Variants in NRG3 observed in about 807,000 individuals in gnomAD.
NRG3 encodes pro-neuregulin-3, membrane-bound isoform.
In NRG3, 31 loss-of-function variants were observed where a neutral mutation model predicts 66.9. That is an observed-to-expected ratio of 0.46 (90% CI 0.35 to 0.63). The LOEUF (loss-of-function observed/expected upper bound fraction) is 0.63, where lower values mean the gene tolerates loss of function less well. Among genes scored for constraint, NRG3 ranks in the 20% least tolerant of loss-of-function variants. The pLI, the probability that NRG3 is intolerant of heterozygous loss-of-function variation, is 0.00. For synonymous variants in NRG3, 393 were observed against 359.4 expected (o/e 1.09, Z -1.06); for missense variants, 910 against 878.9 (o/e 1.04, Z -0.45).
intron 2 of NRG3, among the ~76,000 whole-genome samples, chr10:82,641,481 C>CA (rs1590983843): frequency 1.3e-5 from 2 of 151,974 alleles, no homozygotes; most frequent in South Asian, 2.1e-4. Flanking sequence ...AGTAAAGAAA[C>CA]AAAAAAGCAG....
At chr10:82,665,122 T>G (rs1435366577) in intron 2 of NRG3, among the ~76,000 whole-genome samples, 5 of 152,148 alleles carry the variant, frequency 3.3e-5, no homozygotes, top group African/African-American at 1.2e-4. Flanking sequence ...TTCTGATTGT[T>G]TGCTCCATCC....
intron 2 of NRG3, among the ~76,000 whole-genome samples, chr10:82,398,495 G>A (rs73312903): frequency 0.051 from 6,682 of 132,038 alleles, 163 homozygotes; most frequent in Admixed American, 0.066. Context: ...TCGTGTATGT[G>A]TGTGTGTGTG....
intron 2 of NRG3, among the ~76,000 whole-genome samples, chr10:82,736,557 A>G (rs2058164931): frequency 6.6e-6 from 1 of 152,224 alleles, no homozygotes; most frequent in Non-Finnish European, 1.5e-5. Context: ...TATTAGTTAC[A>G]GCACAGAGTT....
intron 1 of NRG3, among the ~76,000 whole-genome samples, chr10:81,992,909 A>G (rs745312693): frequency 1.3e-5 from 2 of 152,180 alleles, no homozygotes; most frequent in Non-Finnish European, 2.9e-5. Context: ...TTCCATTCAT[A>G]TATTAAAGTC....
chr10:82,214,157 C>T (rs192179094), intron 1 of NRG3, among the ~76,000 whole-genome samples: 4 of 152,214 alleles, frequency 2.6e-5, no homozygotes, highest in South Asian at 2.1e-4. Flanking sequence ...GGTAGTATGT[C>T]GTAGCCCATT....
intron 2 of NRG3, among the ~76,000 whole-genome samples, chr10:82,415,165 T>C (rs2136189628): frequency 6.6e-6 from 1 of 152,190 alleles, no homozygotes; most frequent in Non-Finnish European, 1.5e-5. Flanking sequence ...TACTGCTGGA[T>C]TATATGGGTA....
At chr10:82,119,635 T>TA (rs1170414402) in intron 1 of NRG3, among the ~76,000 whole-genome samples, 1 of 152,100 alleles carries the variant, frequency 6.6e-6, no homozygotes, top group Non-Finnish European at 1.5e-5. Context: ...GTTCTAAACT[T>TA]ATGAGATTTT....
chr10:81,875,571 C>G lies in NRG3; in HGVS notation c.231C>G (p.Ile77Met). 6.2e-7 allele frequency: 1 copy of G among 1,613,398 alleles called. No individual in the cohort carries two copies. Among genetic ancestry groups the G allele is most frequent in the Non-Finnish European group, 8.5e-7 (1 of 1,179,910 alleles). The part of the protein sequence containing the change: ...LCVVPLFIGF[I>M]GLGLSLMLLK... ...TGGTACCTCTGTTCATCGGCTTCATCGGCCTGGGGCTCAGCCTCATGCTTC... is the reference window on the plus strand; with the variant it reads ...TGGTACCTCTGTTCATCGGCTTCATGGGCCTGGGGCTCAGCCTCATGCTTC... The change falls in exon 1 of 9, where the codon ATC (isoleucine) becomes ATG (methionine). Residue 77 changes from isoleucine (I) to methionine (M), a missense_variant. Transcript: ENST00000372141. This position sits in a 1 kb window ranked among gnomAD's most constrained non-coding sequence, Gnocchi z 5.3.
intron 1 of NRG3, among the ~76,000 whole-genome samples, chr10:82,070,041 C>A (rs79009373): frequency 1.3e-5 from 2 of 152,130 alleles, no homozygotes; most frequent in Non-Finnish European, 2.9e-5. Flanking sequence ...AATAACAGAT[C>A]GTAGATCTAA....
chr10:82,093,239 C>T (rs182568754), intron 1 of NRG3, among the ~76,000 whole-genome samples: 2 of 152,266 alleles, frequency 1.3e-5, no homozygotes, highest in Admixed American at 1.3e-4. Context: ...CAATGTGTTC[C>T]TCATAAGTCA....
chr10:82,132,447 T>G (rs368703771), intron 1 of NRG3, among the ~76,000 whole-genome samples: 1 of 43,088 alleles, frequency 2.3e-5, no homozygotes. Flanking sequence ...CTAATATCTT[T>G]TATATATATA....
intron 2 of NRG3, among the ~76,000 whole-genome samples, chr10:82,628,305 C>T (rs1044505385): frequency 6.6e-6 from 1 of 152,026 alleles, no homozygotes; most frequent in Non-Finnish European, 1.5e-5. Context: ...GTTCAGGAGA[C>T]GTTATTTTTT....
At chr10:82,601,683 C>T (rs1190676027) in intron 2 of NRG3, among the ~76,000 whole-genome samples, 1 of 145,728 alleles carries the variant, frequency 6.9e-6, no homozygotes, top group Non-Finnish European at 1.5e-5. Flanking sequence ...GGTGGACCTT[C>T]CCACTGTCTG....
At chr10:82,967,235 A>G (rs1299856196) in intron 6 of NRG3, among the ~76,000 whole-genome samples, 3 of 151,070 alleles carry the variant, frequency 2.0e-5, no homozygotes, top group African/African-American at 7.3e-5. Flanking sequence ...ATATATTTAT[A>G]TATTGAAGGT....
intron 1 of NRG3, among the ~76,000 whole-genome samples, chr10:82,295,590 A>C (rs1365482879): frequency 6.6e-6 from 1 of 152,102 alleles, no homozygotes; most frequent in African/African-American, 2.4e-5. Flanking sequence ...CGAAATGGAC[A>C]CTCCAAAAAT....
At chr10:82,142,511 A>T (rs549662812) in intron 1 of NRG3, among the ~76,000 whole-genome samples, 25 of 152,164 alleles carry the variant, frequency 1.6e-4, no homozygotes, top group African/African-American at 5.8e-4. Context: ...TTTCCTTTTC[A>T]CTTATCAGTT....
chr10:82,548,525 A>T (rs199532386), intron 2 of NRG3, among the ~76,000 whole-genome samples: 548 of 40,108 alleles, frequency 0.014, 2 homozygotes, highest in Middle Eastern at 0.065. Flanking sequence ...TCTGTCTCTC[A>T]CACACACACA....
chr10:82,147,750 G>A (rs1027248745), intron 1 of NRG3, among the ~76,000 whole-genome samples: 16 of 152,106 alleles, frequency 1.1e-4, no homozygotes, highest in Admixed American at 9.2e-4. Flanking sequence ...TTCAACTTCT[G>A]CTTAGAGCCT....
At chr10:82,810,784 C>G (rs1203473826) in intron 3 of NRG3, among the ~76,000 whole-genome samples, 1 of 150,528 alleles carries the variant, frequency 6.6e-6, no homozygotes, top group Non-Finnish European at 1.5e-5. Context: ...TAGTCCAAGC[C>G]AGTGATGCTG....
Sources: allele counts gnomAD v4.1 joint callset (sites outside exome capture counted in the v4.1 genomes callset), GRCh38; gene constraint gnomAD v4.1.1; non-coding constraint Gnocchi (gnomAD v3.1); transcripts MANE v1.5; gene names NCBI Gene and HGNC (gene_info 2026-07-23, HGNC 2026-07-21).